Variants in WWOX observed in about 807,000 individuals in gnomAD.
WWOX encodes the protein WW domain-containing oxidoreductase.
A neutral mutation model predicts 46.2 loss-of-function variants in WWOX; 69 were observed. The ratio of observed to expected loss-of-function variants is 1.49; its 90% CI spans 1.23 to 1.82. The LOEUF (loss-of-function observed/expected upper bound fraction) is 1.82, where lower values mean the gene tolerates loss of function less well. Among genes scored for constraint, WWOX ranks in the 40% most tolerant of loss-of-function variants. The pLI is 0.00. For missense variants in WWOX, 919 were observed against 542.6 expected (o/e 1.69, Z -6.89); for synonymous variants, 359 against 202.6 (o/e 1.77, Z -6.56).
At position 78,109,913 on chromosome 16, in the gene WWOX, T is replaced by G. The variant is rs2032391295; in HGVS notation, c.230+78T>G. 2.1e-6 allele frequency: 3 copies of G among 1,459,264 alleles called. No homozygotes were observed. The Admixed American group carries it at 5.1e-5, about 25-fold the overall frequency. The allele number at this position is 1,459,264 out of a possible 1,614,324, so 90.4% of individuals were successfully genotyped here. A position where few individuals can be genotyped will look rare whatever the true frequency, so the allele number is the denominator to read the frequency against. ...TTTTAATTATAAAAGTAATACATAG[T>G]AACTGTAGAAAAATACAAAGTATAA... On this transcript the variant is annotated intron_variant, in intron 3 of 8. Transcript: ENST00000566780.
intron 8 of WWOX, among the ~76,000 whole-genome samples, chr16:78,943,041 C>A (rs1242139308): frequency 1.3e-5 from 2 of 152,174 alleles, no homozygotes; most frequent in African/African-American, 2.4e-5. Flanking sequence ...ATCTCTCCTG[C>A]TTCTGCTTCC....
chr16:78,414,197 C>G (rs2082746491), intron 6 of WWOX, among the ~76,000 whole-genome samples: 1 of 151,982 alleles, frequency 6.6e-6, no homozygotes, highest in East Asian at 1.9e-4. Flanking sequence ...CCACCCAAAT[C>G]CTGTAAAACT....
chr16:78,369,310 A>T (rs2151919740), intron 5 of WWOX, among the ~76,000 whole-genome samples: 1 of 152,244 alleles, frequency 6.6e-6, no homozygotes, highest in Middle Eastern at 3.4e-3. Context: ...TTTCATACTC[A>T]GGGGTATCTT....
At chr16:78,753,905 C>T (rs532576259) in intron 8 of WWOX, among the ~76,000 whole-genome samples, 1 of 134,648 alleles carries the variant, frequency 7.4e-6, no homozygotes, top group African/African-American at 2.7e-5. Context: ...ATTGAAGAGG[C>T]TATTCCAAGG....
chr16:78,565,037 C>A (rs1597275406), intron 8 of WWOX, among the ~76,000 whole-genome samples: 1 of 152,136 alleles, frequency 6.6e-6, no homozygotes, highest in Non-Finnish European at 1.5e-5. Context: ...AGAGTACAAG[C>A]AGGTTCTTGA....
At chr16:79,048,711 A>G (rs1004192389) in intron 8 of WWOX, among the ~76,000 whole-genome samples, 3 of 152,142 alleles carry the variant, frequency 2.0e-5, no homozygotes, top group East Asian at 1.9e-4. Flanking sequence ...TCAAACTTTC[A>G]AATTGTCTTG....
chr16:79,212,081 T>A lies in WWOX; in HGVS notation c.*285T>A. On this transcript the variant is annotated 3_prime_UTR_variant, in exon 9 of 9. Transcript: ENST00000566780. ...CTGCTTGGTGTGTAGGTTCCGTATC[T>A]CCCTGGAGAAGCACCAGCAATTCTC... 1 of 1,536,284 alleles carries A rather than the reference T, an allele frequency of 6.5e-7. No homozygotes were observed. The highest frequency in any genetic ancestry group is 8.7e-7 in the Non-Finnish European group (1 of 1,146,910).
chr16:79,182,304 C>T (rs978694580), intron 8 of WWOX, among the ~76,000 whole-genome samples: 3 of 152,030 alleles, frequency 2.0e-5, no homozygotes, highest in South Asian at 2.1e-4. Flanking sequence ...GATATACCAG[C>T]GCCATGTTGT....
intron 8 of WWOX, among the ~76,000 whole-genome samples, chr16:78,987,398 T>G (rs1420494693): frequency 6.6e-6 from 1 of 152,248 alleles, no homozygotes; most frequent in Admixed American, 6.5e-5. Flanking sequence ...GGCAGGATTT[T>G]TCAAGTTTGT....
At chr16:78,782,759 G>T (rs532775049) in intron 8 of WWOX, among the ~76,000 whole-genome samples, 10 of 147,572 alleles carry the variant, frequency 6.8e-5, no homozygotes, top group African/African-American at 2.0e-4. Context: ...CATTACAGAA[G>T]TCTCATATGC....
At chr16:78,559,113 G>T (rs1423836341) in intron 8 of WWOX, among the ~76,000 whole-genome samples, 1 of 152,210 alleles carries the variant, frequency 6.6e-6, no homozygotes, top group Non-Finnish European at 1.5e-5. Context: ...TAGTGGGGAA[G>T]GGTGAGCTTG....
intron 6 of WWOX, among the ~76,000 whole-genome samples, chr16:78,402,809 C>T (rs949496480): frequency 1.3e-5 from 2 of 152,306 alleles, no homozygotes; most frequent in East Asian, 3.9e-4. Flanking sequence ...ATAATTCTAA[C>T]CAATCAGTGC....
chr16:79,018,870 G>A (rs555370848), intron 8 of WWOX, among the ~76,000 whole-genome samples: 2 of 152,052 alleles, frequency 1.3e-5, no homozygotes, highest in African/African-American at 4.8e-5. Context: ...GAATGTTAGG[G>A]CTGGGCGTGG....
In WWOX at chr16:78,254,929, G is replaced by A. The variant is rs111617302; in HGVS notation, c.516+90640G>A. Among the ~76,000 whole-genome samples, 809 of 152,256 alleles carry A rather than the reference G, an allele frequency of 5.3e-3. 8 individuals are homozygous for A. Among genetic ancestry groups the A allele is most frequent in the African/African-American group, 0.019 (778 of 41,566 alleles). Reference sequence around the variant, plus strand: ...AAACCCACTGTCTGCCCAGAGGCTGGGAGCACATCTTGGTCTGCCTGGTAT... The same window carrying A: ...AAACCCACTGTCTGCCCAGAGGCTGAGAGCACATCTTGGTCTGCCTGGTAT... On this transcript the variant is annotated intron_variant, in intron 5 of 8. Transcript: ENST00000566780.
intron 8 of WWOX, among the ~76,000 whole-genome samples, chr16:79,015,836 CCG>C: frequency 6.6e-6 from 1 of 152,318 alleles, no homozygotes; most frequent in South Asian, 2.1e-4. Context: ...ACTGCAACCC[CCG>C]CCTCCCGGGT....
intron 8 of WWOX, among the ~76,000 whole-genome samples, chr16:79,149,509 C>G (rs376842450): frequency 6.6e-6 from 1 of 152,142 alleles, no homozygotes; most frequent in South Asian, 2.1e-4. Context: ...GGAAAGCATA[C>G]TGTTTGTTGG....
chr16:79,158,636 T>G (rs2050427756), intron 8 of WWOX, among the ~76,000 whole-genome samples: 1 of 152,202 alleles, frequency 6.6e-6, no homozygotes, highest in African/African-American at 2.4e-5. Flanking sequence ...GCCTTCACCT[T>G]CAGCCTCTCT....
At chr16:78,837,899 T>G (rs1401907078) in intron 8 of WWOX, among the ~76,000 whole-genome samples, 1 of 152,174 alleles carries the variant, frequency 6.6e-6, no homozygotes, top group Non-Finnish European at 1.5e-5. Flanking sequence ...ATTTTACAGA[T>G]GAGAAAATGG....
At chr16:79,098,051 C>T (rs978178625) in intron 8 of WWOX, among the ~76,000 whole-genome samples, 9 of 152,210 alleles carry the variant, frequency 5.9e-5, no homozygotes, top group Middle Eastern at 6.8e-3. Flanking sequence ...TCTAGAGAGG[C>T]GCCTGCAGAA....
Sources: allele counts gnomAD v4.1 joint callset (sites outside exome capture counted in the v4.1 genomes callset), GRCh38; gene constraint gnomAD v4.1.1; transcripts MANE v1.5; gene names NCBI Gene and HGNC (gene_info 2026-07-23, HGNC 2026-07-21).